Variants in TNIK observed in about 807,000 individuals in gnomAD.
TNIK encodes TRAF2 and NCK interacting kinase.
Under a neutral mutation model 191.3 loss-of-function variants are expected in TNIK, and 49 were observed. That is an observed-to-expected ratio of 0.26 (90% confidence interval 0.20 to 0.32). TNIK has a LOEUF of 0.32. Among genes scored for constraint, TNIK ranks in the 10% least tolerant of loss-of-function variants. The pLI is 1.00. For missense variants in TNIK, 1,155 were observed against 1,702.3 expected (o/e 0.68, Z 5.66); for synonymous variants, 594 against 600.9 (o/e 0.99, Z 0.17).
intron 2 of TNIK, among the ~76,000 whole-genome samples, chr3:171,323,003 A>G (rs1357460317): frequency 6.6e-6 from 1 of 152,084 alleles, no homozygotes; most frequent in Non-Finnish European, 1.5e-5. Flanking sequence ...GATATGGGAA[A>G]GTTGTATGAA....
At chr3:171,259,934 C>T (rs1218006835) in intron 2 of TNIK, among the ~76,000 whole-genome samples, 1 of 152,146 alleles carries the variant, frequency 6.6e-6, no homozygotes, top group Non-Finnish European at 1.5e-5. Flanking sequence ...ATGTGACAAT[C>T]CTTTGCTTGT....
chr3:171,253,627 C>T (rs566379822), intron 2 of TNIK, among the ~76,000 whole-genome samples: 5 of 125,492 alleles, frequency 4.0e-5, no homozygotes, highest in East Asian at 2.8e-4. Context: ...TCAAATGTCA[C>T]GGCTAGGAAG....
chr3:171,346,093 C>G (rs942341021), intron 2 of TNIK, among the ~76,000 whole-genome samples: 3 of 151,904 alleles, frequency 2.0e-5, no homozygotes, highest in Admixed American at 6.6e-5. Flanking sequence ...TGAGTAGAGA[C>G]CTGGAGAAAG....
intron 1 of TNIK, among the ~76,000 whole-genome samples, chr3:171,371,935 TA>T (rs201049961): frequency 0.031 from 3,735 of 120,926 alleles, 135 homozygotes; most frequent in African/African-American, 0.096. Flanking sequence ...TTTTCTTAAC[TA>T]AAAAAAAAAT....
chr3:171,209,491 AT>A (rs1002093651), intron 4 of TNIK, among the ~76,000 whole-genome samples: 52 of 152,242 alleles, frequency 3.4e-4, no homozygotes, highest in African/African-American at 1.1e-3. Context: ...TAAAACATGT[AT>A]ATAGTCAAGT....
intron 22 of TNIK, among the ~76,000 whole-genome samples, chr3:171,100,734 TCTC>T (rs1425108121): frequency 7.4e-6 from 1 of 135,444 alleles, no homozygotes; most frequent in Admixed American, 7.6e-5. Flanking sequence ...AAATGAACTT[TCTC>T]CTCACCTTGA....
intron 1 of TNIK, among the ~76,000 whole-genome samples, chr3:171,402,204 T>C (rs937948201): frequency 6.6e-6 from 1 of 152,208 alleles, no homozygotes; most frequent in Non-Finnish European, 1.5e-5. Flanking sequence ...TGGAAAATAA[T>C]GCTCTCTTTA....
intron 1 of TNIK, among the ~76,000 whole-genome samples, chr3:171,433,568 C>G (rs1725633058): frequency 6.6e-6 from 1 of 152,064 alleles, no homozygotes; most frequent in Non-Finnish European, 1.5e-5. Flanking sequence ...ATCACAGACA[C>G]AGAACACACA....
At chr3:171,226,716 C>G (rs1396439302) in intron 3 of TNIK, among the ~76,000 whole-genome samples, 1 of 151,688 alleles carries the variant, frequency 6.6e-6, no homozygotes, top group Non-Finnish European at 1.5e-5. Flanking sequence ...TAAATGGTAA[C>G]AAAAATACAG....
chr3:171,367,226 A>T (rs1715850607), intron 2 of TNIK, among the ~76,000 whole-genome samples: 1 of 152,188 alleles, frequency 6.6e-6, no homozygotes, highest in South Asian at 2.1e-4. Context: ...TAGTGCAATC[A>T]CTTTTTAATG....
intron 1 of TNIK, among the ~76,000 whole-genome samples, chr3:171,418,516 A>G (rs1723363158): frequency 6.6e-6 from 1 of 152,232 alleles, no homozygotes; most frequent in Non-Finnish European, 1.5e-5. Context: ...GGTCATTAAA[A>G]GGAGTGAAAT....
intron 2 of TNIK, among the ~76,000 whole-genome samples, chr3:171,296,280 G>C (rs1285051934): frequency 1.3e-5 from 2 of 152,058 alleles, no homozygotes; most frequent in Non-Finnish European, 2.9e-5. Context: ...GGCAGCCAAG[G>C]CAAATTAACT....
intron 1 of TNIK, among the ~76,000 whole-genome samples, chr3:171,404,542 C>G (rs1038866531): frequency 7.9e-5 from 12 of 151,012 alleles, no homozygotes; most frequent in Non-Finnish European, 1.8e-4. Context: ...TTTTTTTTAA[C>G]CGAGCTAGAG....
chr3:171,357,572 T>G (rs1361136898), intron 2 of TNIK, among the ~76,000 whole-genome samples: 2 of 138,562 alleles, frequency 1.4e-5, no homozygotes. Context: ...TTTTTTTTGG[T>G]ACATATTTAT....
At chr3:171,247,246 G>C (rs1292565325) in intron 2 of TNIK, among the ~76,000 whole-genome samples, 1 of 152,220 alleles carries the variant, frequency 6.6e-6, no homozygotes, top group African/African-American at 2.4e-5. Context: ...ATCCAGGATT[G>C]CAGTTCATCT....
At chr3:171,369,574 T>C (rs1716203349) in intron 2 of TNIK, 46 bp downstream of exon 2, 1 of 1,503,396 alleles carries the variant, frequency 6.7e-7, no homozygotes, top group Non-Finnish European at 9.0e-7. Context: ...TTGTCATTCA[T>C]GAACTGAAAC....
chr3:171,117,489 T>G (rs545215787), intron 18 of TNIK, among the ~76,000 whole-genome samples: 333 of 18,074 alleles, frequency 0.018, 1 homozygote, highest in Non-Finnish European at 0.031. Context: ...ACTGCTTAAA[T>G]TAGTAAATAC....
intron 2 of TNIK, among the ~76,000 whole-genome samples, chr3:171,269,562 T>G (rs745700277): frequency 6.6e-6 from 1 of 152,240 alleles, no homozygotes; most frequent in Non-Finnish European, 1.5e-5. Flanking sequence ...ATAGCTTTAA[T>G]TCAGTGGTGG....
chr3:171,252,341 T>G (rs11917336), intron 2 of TNIK, among the ~76,000 whole-genome samples: 84,845 of 151,976 alleles, frequency 0.56, 24,340 homozygotes, highest in African/African-American at 0.68. Context: ...AAACTCAAGC[T>G]ATATGGGCAG....
Sources: allele counts gnomAD v4.1 joint callset (sites outside exome capture counted in the v4.1 genomes callset), GRCh38; gene constraint gnomAD v4.1.1; transcripts MANE v1.5; gene names NCBI Gene and HGNC (gene_info 2026-07-23, HGNC 2026-07-21).